The following SASH1 variants were observed in gnomAD, a reference collection of about 807,000 sequenced individuals.
SASH1 encodes SAM and SH3 domain containing 1.
A neutral mutation model predicts 125.2 loss-of-function variants in SASH1; 44 were observed. That is an observed-to-expected ratio of 0.35 (90% CI 0.28 to 0.45). SASH1 has a LOEUF of 0.45. Ranked by LOEUF, SASH1 falls within the 20% of genes least tolerant of loss-of-function variation. The pLI is 1.00. For synonymous variants in SASH1, 639 were observed against 649.1 expected (o/e 0.98, Z 0.24); for missense variants, 1,426 against 1,614.5 (o/e 0.88, Z 2.00).
intron 2 of SASH1, among the ~76,000 whole-genome samples, chr6:148,439,646 G>A (rs185038849): frequency 2.0e-5 from 3 of 152,074 alleles, no homozygotes; most frequent in African/African-American, 7.2e-5. Context: ...GCGTGGTGGC[G>A]CATGCCTGTA....
intron 1 of SASH1, among the ~76,000 whole-genome samples, chr6:148,360,628 C>T (rs1411105487): frequency 6.8e-5 from 6 of 88,162 alleles, no homozygotes; most frequent in Admixed American, 2.8e-4. Flanking sequence ...GGATTACAGG[C>T]GTGAGCCACC....
rs763248593 is a variant in SASH1 at position 148,343,139 on chromosome 6, G to GCCGGAGCCGGAA, written c.81_92dup (p.Glu28_Pro31dup). Reference sequence around the variant, plus strand: ...AGCCCGAGCCGGAGCCCGAGCCCGCGCCGGAGCCGGAACCGGAGCCCAAGC... The same window carrying GCCGGAGCCGGAA: ...AGCCCGAGCCGGAGCCCGAGCCCGCGCCGGAGCCGGAACCGGAGCCGGAACCGGAGCCCAAGC... On this transcript the variant is annotated inframe_insertion, in exon 1 of 20. Coordinates refer to ENST00000367467, the MANE Select transcript of SASH1 (RefSeq NM_015278.5). 2 of 1,597,762 alleles carry GCCGGAGCCGGAA rather than the reference G, an allele frequency of 1.3e-6. No homozygotes were observed. The highest frequency in any genetic ancestry group is 1.1e-5 in the South Asian group (1 of 90,724).
chr6:148,308,757 A>G (rs1233353415), intron 1 of SASH1, among the ~76,000 whole-genome samples: 1 of 151,558 alleles, frequency 6.6e-6, no homozygotes, highest in Admixed American at 6.6e-5. Flanking sequence ...TCTCATGTCT[A>G]GAAAATAGAA....
At chr6:148,200,587 T>C in the SASH1 span, among the ~76,000 whole-genome samples, 576 of 152,374 alleles carry the variant, frequency 3.8e-3, 2 homozygotes, top group African/African-American at 0.013. Context: ...GGTGTGGCTC[T>C]TGAACAATGT....
rs537853772 is a variant in SASH1, at chr6:148,405,008, C to T, written c.285+14746C>T. The stretch of plus-strand genomic sequence containing the variant: ...GGAGTGGAACCAAGCTAGCTCATCA[C>T]AGTCTAGGAAGAGATAGTTGATTCT... On this transcript the variant is annotated intron_variant, in intron 2 of 19. Coordinates refer to ENST00000367467, the MANE Select transcript of SASH1 (RefSeq NM_015278.5). Among the ~76,000 whole-genome samples the T allele has an allele frequency of 3.9e-5, 6 of 152,026 alleles. No homozygotes were observed. The East Asian group carries it at 1.2e-3, about 30-fold the overall frequency.
At position 148,302,341 on chromosome 6, in the gene SASH1, A is replaced by AAAAAAAAAAAAAAAAAAAAAAAAT. The variant is rs34513109; in HGVS notation, n.74+29964_74+29965insAAAAAAAAAAAAAAAAAAAAAAAT. On this transcript the variant is annotated intron_variant and non_coding_transcript_variant, in intron 1 of 3. Transcript: ENST00000367469. ...AAAAAAAAAAAAAAAAAAAAAAAAAACTAGTAATATTATGACCTTGGTTAA... is the reference window on the plus strand; with the variant it reads ...AAAAAAAAAAAAAAAAAAAAAAAAAAAAAAAAAAAAAAAAAAAAAAAAATCTAGTAATATTATGACCTTGGTTAA... 1.2e-4 allele frequency among the ~76,000 whole-genome samples: 13 copies of AAAAAAAAAAAAAAAAAAAAAAAAT among 104,442 alleles called. 3 individuals carry two copies. The East Asian group carries it at 1.6e-3, about 13-fold the overall frequency. The allele number at this position is 104,442 out of a possible 152,430, so 68.5% of individuals were successfully genotyped here. A position where few individuals can be genotyped will look rare whatever the true frequency, so the allele number is the denominator to read the frequency against.
rs1462941030 is a variant in SASH1 at position 148,544,489 on chromosome 6, C to T, written c.3019C>T (p.Pro1007Ser). The change falls in exon 18 of 20, where the codon CCC becomes TCC. Residue 1007 changes from proline to serine, a missense_variant. Pro to Ser is a moderately conservative substitution (Grantham distance 74). Transcript: ENST00000367467. This position sits in a 1 kb window ranked among gnomAD's most constrained non-coding sequence, Gnocchi z 6.4. ...CGGACTCCACCCTGTTCCCATGGGC[C>T]CCAGTGGGGCCCTCCCCAGTCCCGA... is the stretch of plus-strand genomic sequence containing the variant. The part of the protein sequence containing the change: ...ANGLHPVPMG[P>S]SGALPSPDAP... 2.5e-6 allele frequency: 4 copies of T among 1,613,980 alleles called. No homozygotes were observed. The highest frequency in any genetic ancestry group is 3.4e-6 in the Non-Finnish European group (4 of 1,180,018).
At chr6:148,514,600 A>C in intron 9 of SASH1, 144 bp downstream of exon 9, 9 of 1,043,150 alleles carry the variant, frequency 8.6e-6, no homozygotes, top group Non-Finnish European at 9.2e-6. Flanking sequence ...ATCTGGCAGG[A>C]CTATGCCTGC....
chr6:148,203,894 A>G, the SASH1 span, among the ~76,000 whole-genome samples: 1 of 152,220 alleles, frequency 6.6e-6, no homozygotes, highest in African/African-American at 2.4e-5. Flanking sequence ...GAGAAACTCT[A>G]TCGTTTAACC....
chr6:148,433,247 G>A (rs2179539), intron 2 of SASH1, among the ~76,000 whole-genome samples: 66,125 of 151,724 alleles, frequency 0.44, 14,603 homozygotes, highest in South Asian at 0.66. Context: ...ATACTATAGC[G>A]GAGCCTCTTT....
intron 8 of SASH1, chr6:148,512,446 T>G (rs1247586453): frequency 7.1e-6 from 7 of 984,514 alleles, no homozygotes; most frequent in East Asian, 2.3e-4. Flanking sequence ...AATGTTTATA[T>G]GTAATTCCAT....
intron 1 of SASH1, among the ~76,000 whole-genome samples, chr6:148,337,770 C>T (rs1374576109): frequency 6.6e-6 from 1 of 152,184 alleles, no homozygotes; most frequent in Non-Finnish European, 1.5e-5. Flanking sequence ...ATGATGGAGA[C>T]TAATTTCCAA....
At chr6:148,506,550 G>A (rs756273362) in intron 8 of SASH1, among the ~76,000 whole-genome samples, 4 of 152,034 alleles carry the variant, frequency 2.6e-5, no homozygotes, top group Non-Finnish European at 5.9e-5. Flanking sequence ...TTTCAGGTAC[G>A]CAGTATTTAA....
chr6:148,443,917 T>C (rs553101942), intron 4 of SASH1, among the ~76,000 whole-genome samples: 1 of 152,304 alleles, frequency 6.6e-6, no homozygotes, highest in South Asian at 2.1e-4. Context: ...GGCGAACCAG[T>C]TGGCTGTGTC....
chr6:148,220,787 G>C, the SASH1 span, among the ~76,000 whole-genome samples: 1 of 152,140 alleles, frequency 6.6e-6, no homozygotes, highest in Admixed American at 6.5e-5. Flanking sequence ...GGTGGCACGC[G>C]CCTGTAGTCC....
intron 8 of SASH1, among the ~76,000 whole-genome samples, chr6:148,494,218 A>T (rs1779222898): frequency 6.6e-6 from 1 of 152,300 alleles, no homozygotes; most frequent in East Asian, 1.9e-4. Flanking sequence ...TGGCAATCTT[A>T]TTTAAAATTT....
chr6:148,251,422 A>G, the SASH1 span, among the ~76,000 whole-genome samples: 7 of 152,208 alleles, frequency 4.6e-5, no homozygotes, highest in Non-Finnish European at 8.8e-5. Flanking sequence ...CACAGTTTCT[A>G]GATTCTTGCT....
intron 16 of SASH1, among the ~76,000 whole-genome samples, chr6:148,539,702 T>A (rs1043938812): frequency 6.6e-6 from 1 of 152,150 alleles, no homozygotes; most frequent in Non-Finnish European, 1.5e-5. Flanking sequence ...TTTCCCCAGC[T>A]TTTACTTATA....
intron 4 of SASH1, among the ~76,000 whole-genome samples, chr6:148,454,242 G>T (rs373834228): frequency 6.6e-6 from 1 of 152,144 alleles, no homozygotes; most frequent in Non-Finnish European, 1.5e-5. Context: ...GAATGTGAGC[G>T]CTGTGGGCCC....
Sources: allele counts gnomAD v4.1 joint callset (sites outside exome capture counted in the v4.1 genomes callset), GRCh38; gene constraint gnomAD v4.1.1; non-coding constraint Gnocchi (gnomAD v3.1); transcripts MANE v1.5; gene names NCBI Gene and HGNC (gene_info 2026-07-23, HGNC 2026-07-21).